EPHX2: variants seen among roughly 807,000 people sequenced by gnomAD.
EPHX2 encodes the protein bifunctional epoxide hydrolase 2.
EPHX2 carries 74 observed loss-of-function variants against 78.7 expected under a neutral mutation model. The observed-to-expected ratio is 0.94, with a 90% CI of 0.78 to 1.14. EPHX2 has a LOEUF of 1.14. EPHX2 is among the 50% of genes most tolerant of loss of function. The probability of loss-of-function intolerance (pLI) is 0.00; values close to 1 mark genes in which losing one functional copy is unlikely to be tolerated. For synonymous variants in EPHX2, 251 were observed against 255.2 expected (o/e 0.98, Z 0.16); for missense variants, 715 against 702.5 (o/e 1.02, Z -0.20).
chr8:27,494,306 T>A (rs1413531966), intron 1 of EPHX2, among the ~76,000 whole-genome samples: 1 of 152,198 alleles, frequency 6.6e-6, no homozygotes, highest in African/African-American at 2.4e-5. Flanking sequence ...CACAAGGTCT[T>A]GTATGGGCTT....
intron 10 of EPHX2, among the ~76,000 whole-genome samples, chr8:27,521,753 G>A (rs185215172): frequency 5.1e-4 from 78 of 152,358 alleles, no homozygotes; most frequent in Middle Eastern, 3.4e-3. Flanking sequence ...GTCTAGAAGC[G>A]TGTCCCTTAT....
At chr8:27,492,468 T>C (rs145947214) in intron 1 of EPHX2, among the ~76,000 whole-genome samples, 2 of 152,298 alleles carry the variant, frequency 1.3e-5, no homozygotes, top group African/African-American at 4.8e-5. Context: ...CCAGAGTTGG[T>C]TCCTGTCGGT....
chr8:27,519,019 T>A (rs1814556098), intron 9 of EPHX2, among the ~76,000 whole-genome samples: 1 of 152,214 alleles, frequency 6.6e-6, no homozygotes, highest in African/African-American at 2.4e-5. Context: ...GGAGAACTGG[T>A]CTCTTGAAGA....
chr8:27,508,675 A>G (rs1814111367), intron 5 of EPHX2, among the ~76,000 whole-genome samples: 1 of 152,252 alleles, frequency 6.6e-6, no homozygotes, highest in Admixed American at 6.5e-5. Context: ...AGAGGAAGAT[A>G]GAAGGAAAAA....
Position 27,500,930 on chromosome 8 carries a change from CT to C in EPHX2, c.108del (p.Leu37Ter). On this transcript the variant is annotated frameshift_variant, in exon 2 of 19. Coordinates refer to ENST00000521400, the MANE Select transcript of EPHX2 (RefSeq NM_001979.6). LOFTEE classifies it high-confidence loss of function. The stretch of plus-strand genomic sequence containing the variant: ...GATGTTCTTTGTGTTTTCCAGAGGA[CT>C]TCTGAATGATGCTTTCCAGAAAGGG... The part of the protein sequence containing the change: ...TEEALALPRG[L>X]LNDAFQKGGP... 1 of 1,612,916 alleles carries C rather than the reference CT, an allele frequency of 6.2e-7. No individual in the cohort carries two copies. The highest frequency in any genetic ancestry group is 1.1e-5 in the South Asian group (1 of 90,838).
intron 6 of EPHX2, among the ~76,000 whole-genome samples, chr8:27,512,347 A>T (rs184244914): frequency 5.3e-5 from 8 of 152,196 alleles, no homozygotes; most frequent in Admixed American, 5.2e-4. Context: ...CCTGTGTTGG[A>T]GGAGAGCATG....
rs142977955 is a variant in EPHX2 at position 27,540,633 on chromosome 8, G to A, written c.1356G>A (p.Gln452=). ...VTEEEIQFYV[Q]QFKKSGFRGP... is the part of the protein sequence containing the mutation. Reference sequence around the variant, plus strand: ...AGGAGGAAATCCAGTTCTATGTGCAGCAGTTCAAGAAGTCTGGTTTCAGGT... The same window carrying A: ...AGGAGGAAATCCAGTTCTATGTGCAACAGTTCAAGAAGTCTGGTTTCAGGT... The change falls in exon 15 of 19, where the codon CAG becomes CAA. Residue 452 remains glutamine (Q), a synonymous_variant. Coordinates refer to ENST00000521400, the MANE Select transcript of EPHX2 (RefSeq NM_001979.6). The A allele has an allele frequency of 6.2e-7, 1 of 1,614,106 alleles. No homozygotes were observed. Among genetic ancestry groups the A allele is most frequent in the African/African-American group, 1.3e-5 (1 of 75,044 alleles).
chr8:27,508,946 C>CTTTTT lies in EPHX2; in HGVS notation c.660+1975_660+1979dup, dbSNP rs34748947. 6.2e-3 allele frequency among the ~76,000 whole-genome samples: 396 copies of CTTTTT among 64,350 alleles called. 41 individuals are homozygous for CTTTTT. The highest frequency in any genetic ancestry group is 0.011 in the African/African-American group (145 of 12,970). The allele number at this position is 64,350 out of a possible 152,430, so 42.2% of individuals were successfully genotyped here. A position where few individuals can be genotyped will look rare whatever the true frequency, so the allele number is the denominator to read the frequency against. The stretch of plus-strand genomic sequence containing the variant: ...CTGGCCCCTGGCAACCCCCATCCTG[C>CTTTTT]TTTTTTTTTTTTTTTTTTTTTTTTT... On this transcript the variant is annotated intron_variant, in intron 5 of 18. Transcript: ENST00000521400.
At chr8:27,542,288 G>A (rs1372754081) in intron 16 of EPHX2, among the ~76,000 whole-genome samples, 2 of 152,084 alleles carry the variant, frequency 1.3e-5, no homozygotes, top group Admixed American at 6.5e-5. Flanking sequence ...ATATAACATC[G>A]TGGTTAAGAG....
intron 4 of EPHX2, 127 bp from the exon 5 acceptor site, chr8:27,506,745 G>T: frequency 3.0e-6 from 4 of 1,327,308 alleles, no homozygotes; most frequent in Non-Finnish European, 4.1e-6. Context: ...GTAATTAAAT[G>T]CTTTCCATTT....
chr8:27,492,581 G>T (rs1240069864), intron 1 of EPHX2, among the ~76,000 whole-genome samples: 1 of 152,200 alleles, frequency 6.6e-6, no homozygotes, highest in Admixed American at 6.5e-5. Context: ...TGATAGCAAG[G>T]TTTATCGTGA....
chr8:27,502,341 G>A (rs1268157067), intron 2 of EPHX2, among the ~76,000 whole-genome samples: 3 of 152,162 alleles, frequency 2.0e-5, no homozygotes, highest in African/African-American at 7.2e-5. Flanking sequence ...TTCTATTGAT[G>A]GGGTTCTGGG....
chr8:27,493,300 A>G (rs1319144311), intron 1 of EPHX2: 1 of 152,818 alleles, frequency 6.5e-6, no homozygotes, highest in Non-Finnish European at 1.5e-5. Flanking sequence ...GCCAGGCAGC[A>G]TCCTGTACTA....
rs1334566270 is a variant in EPHX2 at position 27,512,045 on chromosome 8, CT to C, written c.735+136del. 3 of 769,716 alleles carry C rather than the reference CT, an allele frequency of 3.9e-6. No homozygotes were observed. The African/African-American group carries it at 5.2e-5, about 13-fold the overall frequency. The allele number at this position is 769,716 out of a possible 1,614,324, so 47.7% of individuals were successfully genotyped here. A position where few individuals can be genotyped will look rare whatever the true frequency, so the allele number is the denominator to read the frequency against. ...CCTGGGAAGTGGAGGTTGCAGTGAG[CT>C]GTGATCACACCACTGTGCTCCAGCC... On this transcript the variant is annotated intron_variant, in intron 6 of 18. Coordinates refer to ENST00000521400, the MANE Select transcript of EPHX2 (RefSeq NM_001979.6).
In EPHX2 at chr8:27,543,822, A is replaced by C. The variant is rs768036789; in HGVS notation, c.1523A>C (p.Glu508Ala). 6.8e-6 allele frequency: 11 copies of C among 1,614,092 alleles called. No homozygotes were observed. The South Asian group carries it at 1.2e-4, about 18-fold the overall frequency. ...GTTCCTCAGATGTCCCAGCACATGG[A>C]GGACTGGGTGAGGGAATGGCCCTGT... ...VLVPQMSQHM[E>A]DWIPHLKRGH... Residue 508 changes from glutamate to alanine, a missense_variant, in exon 17 of 19, where the codon GAG (glutamate) becomes GCG (alanine). Transcript: ENST00000521400.
rs1448946702 is a variant in EPHX2, at chr8:27,544,206, A to G, written c.1551A>G (p.Gly517=). 3 of 1,613,984 alleles carry G rather than the reference A, an allele frequency of 1.9e-6. No homozygotes were observed. Among genetic ancestry groups the G allele is most frequent in the Non-Finnish European group, 8.5e-7 (1 of 1,180,044 alleles). ...MEDWIPHLKR[G]HIEDCGHWTQ... The stretch of plus-strand genomic sequence containing the variant: ...TTCAGATTCCCCACCTGAAAAGGGG[A>G]CACATTGAGGACTGTGGGCACTGGA... The change falls in exon 18 of 19, where the codon GGA becomes GGG. Residue 517 remains glycine, a synonymous_variant. Coordinates refer to ENST00000521400, the MANE Select transcript of EPHX2 (RefSeq NM_001979.6).
In EPHX2 at chr8:27,541,650, TCTG is replaced by T. The variant is rs926081195; in HGVS notation, c.1449+112_1449+114del. The stretch of plus-strand genomic sequence containing the variant: ...TGGGCCAGAGCTGGTTGTGGACAGA[TCTG>T]CTGGCCACCTCCTTTCCCTTTGGGG... On this transcript the variant is annotated intron_variant, in intron 16 of 18. Coordinates refer to ENST00000521400, the MANE Select transcript of EPHX2 (RefSeq NM_001979.6). 2.6e-5 allele frequency: 30 copies of T among 1,141,928 alleles called. No homozygotes were observed. The African/African-American group carries it at 3.2e-4, about 12-fold the overall frequency. The allele number at this position is 1,141,928 out of a possible 1,614,324, so 70.7% of individuals were successfully genotyped here. A position where few individuals can be genotyped will look rare whatever the true frequency, so the allele number is the denominator to read the frequency against.
intron 4 of EPHX2, 150 bp from the exon 5 acceptor site, chr8:27,506,722 A>G: frequency 2.6e-6 from 3 of 1,140,954 alleles, no homozygotes; most frequent in Non-Finnish European, 3.7e-6. Flanking sequence ...CTTTGTTTTC[A>G]TGCGTATGTT....
At chr8:27,543,896 A>T in intron 17 of EPHX2, 67 bp downstream of exon 17, 1 of 1,526,188 alleles carries the variant, frequency 6.6e-7, no homozygotes, top group Non-Finnish European at 9.0e-7. Context: ...GCTCAGAGGG[A>T]AGACGGCAGC....
Sources: allele counts gnomAD v4.1 joint callset (sites outside exome capture counted in the v4.1 genomes callset), GRCh38; gene constraint gnomAD v4.1.1; transcripts MANE v1.5; gene names NCBI Gene and HGNC (gene_info 2026-07-23, HGNC 2026-07-21).